Variants in DAB1 observed in about 807,000 individuals in gnomAD.
DAB1 encodes the protein disabled homolog 1.
In DAB1, 15 loss-of-function variants were observed where a neutral mutation model predicts 64.6. The observed-to-expected ratio is 0.23, with a 90% CI of 0.16 to 0.36. The LOEUF (loss-of-function observed/expected upper bound fraction) is 0.36, where lower values mean the gene tolerates loss of function less well. DAB1 is among the 10% of genes least tolerant of loss of function. The pLI, the probability that DAB1 is intolerant of heterozygous loss-of-function variation, is 1.00. For missense variants in DAB1, 596 were observed against 706.7 expected (o/e 0.84, Z 1.78); for synonymous variants, 235 against 251.9 (o/e 0.93, Z 0.64).
chr1:58,515,742 A>C (rs1401896851), intron 2 of DAB1, among the ~76,000 whole-genome samples: 1 of 152,198 alleles, frequency 6.6e-6, no homozygotes, highest in Non-Finnish European at 1.5e-5. Flanking sequence ...CAGAATACTA[A>C]CCTGAAAAAT....
chr1:57,964,712 T>C (rs537880059), intron 5 of DAB1, among the ~76,000 whole-genome samples: 13 of 152,292 alleles, frequency 8.5e-5, no homozygotes, highest in African/African-American at 2.9e-4. Context: ...CTGTAAGTTA[T>C]CCGATGGCAG....
At chr1:58,189,731 T>C (rs1477487528) in intron 4 of DAB1, among the ~76,000 whole-genome samples, 1 of 152,208 alleles carries the variant, frequency 6.6e-6, no homozygotes, top group East Asian at 1.9e-4. Flanking sequence ...CTTGGCAACA[T>C]GTATTTTCAA....
At chr1:57,870,847 C>T (rs1643934465) in intron 1 of DAB1, among the ~76,000 whole-genome samples, 1 of 152,082 alleles carries the variant, frequency 6.6e-6, no homozygotes, top group Non-Finnish European at 1.5e-5. Flanking sequence ...TCACATCTTG[C>T]CAAGTCTCAA....
At chr1:58,492,077 G>C (rs1476501402) in intron 3 of DAB1, among the ~76,000 whole-genome samples, 7 of 152,294 alleles carry the variant, frequency 4.6e-5, no homozygotes, top group African/African-American at 1.7e-4. Context: ...TCAGACCACA[G>C]TGCAATCAAA....
intron 1 of DAB1, among the ~76,000 whole-genome samples, chr1:57,407,294 GAGAA>G (rs1235057294): frequency 6.6e-6 from 1 of 152,176 alleles, no homozygotes; most frequent in Non-Finnish European, 1.5e-5. Context: ...TTTTTGAAGG[GAGAA>G]AGAGAGAGTT....
At chr1:58,169,192 T>C (rs181096343) in intron 4 of DAB1, among the ~76,000 whole-genome samples, 1 of 152,294 alleles carries the variant, frequency 6.6e-6, no homozygotes, top group African/African-American at 2.4e-5. Context: ...TTGCAGGTTC[T>C]TGGGCAAGAG....
chr1:57,081,140 C>T (rs886138783), intron 4 of DAB1, among the ~76,000 whole-genome samples: 2 of 152,158 alleles, frequency 1.3e-5, no homozygotes, highest in Non-Finnish European at 2.9e-5. Context: ...CCTTCCATGG[C>T]TTTGTGGCCA....
chr1:58,146,280 T>C (rs959504401), intron 5 of DAB1, among the ~76,000 whole-genome samples: 4 of 152,178 alleles, frequency 2.6e-5, no homozygotes, highest in African/African-American at 7.2e-5. Context: ...ACTGTACACA[T>C]ACATAGTGAA....
chr1:58,281,593 G>A (rs1661565573), intron 4 of DAB1, among the ~76,000 whole-genome samples: 1 of 151,682 alleles, frequency 6.6e-6, no homozygotes, highest in Non-Finnish European at 1.5e-5. Flanking sequence ...TAGTGCAGAT[G>A]TTCCTCTCCT....
intron 6 of DAB1, among the ~76,000 whole-genome samples, chr1:57,690,349 G>A (rs995596058): frequency 1.3e-5 from 2 of 152,128 alleles, no homozygotes; most frequent in Non-Finnish European, 2.9e-5. Flanking sequence ...ATGGTGGGGG[G>A]TAATTGGATC....
intron 1 of DAB1, among the ~76,000 whole-genome samples, chr1:57,357,376 TC>T (rs1463647787): frequency 6.6e-6 from 1 of 151,998 alleles, no homozygotes; most frequent in African/African-American, 2.4e-5. Flanking sequence ...CTCACCTATC[TC>T]CCAGGGTTGC....
intron 2 of DAB1, among the ~76,000 whole-genome samples, chr1:57,203,806 C>T (rs993511341): frequency 2.6e-5 from 4 of 152,144 alleles, no homozygotes; most frequent in African/African-American, 9.7e-5. Context: ...CAAACTGTAC[C>T]GGTTCCGGAC....
intron 2 of DAB1, among the ~76,000 whole-genome samples, chr1:57,199,244 T>G (rs1291975557): frequency 1.3e-5 from 2 of 152,206 alleles, no homozygotes; most frequent in African/African-American, 4.8e-5. Flanking sequence ...TAACTTCTCT[T>G]ATTAAAGTAA....
chr1:57,520,170 T>C (rs1455016562), intron 7 of DAB1, among the ~76,000 whole-genome samples: 1 of 152,220 alleles, frequency 6.6e-6, no homozygotes, highest in Non-Finnish European at 1.5e-5. Flanking sequence ...AAATATATTG[T>C]AGCACTTAGC....
intron 4 of DAB1, among the ~76,000 whole-genome samples, chr1:58,198,769 A>G (rs182194344): frequency 1.3e-3 from 195 of 152,300 alleles, no homozygotes; most frequent in Non-Finnish European, 2.2e-3. Flanking sequence ...TACTGTAGGA[A>G]AATCAAAAGC....
At chr1:57,867,365 T>C (rs1654349660) in intron 1 of DAB1, 1 of 152,100 alleles carries the variant, frequency 6.6e-6, no homozygotes, top group Non-Finnish European at 1.5e-5. Context: ...TTTCTTCCTA[T>C]TCCCTCCAAT....
At chr1:58,006,123 T>A (rs1646579220) in intron 5 of DAB1, among the ~76,000 whole-genome samples, 1 of 152,234 alleles carries the variant, frequency 6.6e-6, no homozygotes, top group African/African-American at 2.4e-5. Flanking sequence ...CATGTCCATT[T>A]CTGTTCACTG....
intron 1 of DAB1, among the ~76,000 whole-genome samples, chr1:57,323,623 A>C (rs926471942): frequency 2.6e-5 from 4 of 152,176 alleles, no homozygotes; most frequent in Admixed American, 2.6e-4. Context: ...GGGCAGGATC[A>C]AACTCAGCTA....
chr1:57,439,423 T>TTTTTTTTTTTTTTTTTTGTTTTTTG (rs1558381316), intron 7 of DAB1, among the ~76,000 whole-genome samples: 2 of 117,104 alleles, frequency 1.7e-5, no homozygotes, highest in East Asian at 2.4e-4. Context: ...ATGAGGTTTT[T>TTTTTTTTTTTTTTTTTTGTTTTTTG]TCTTTTTTTT....
Sources: gnomAD v4.1 joint callset for allele counts (sites outside exome capture counted in the v4.1 genomes callset) on GRCh38, gnomAD v4.1.1 for gene constraint, MANE v1.5 for transcripts, NCBI Gene and HGNC (gene_info 2026-07-23, HGNC 2026-07-21) for gene names.